The following FNDC3B variants were observed in gnomAD, a reference collection of about 807,000 sequenced individuals.
FNDC3B encodes the protein fibronectin type III domain-containing protein 3B.
Under a neutral mutation model 151.5 loss-of-function variants are expected in FNDC3B, and 12 were observed. That is an observed-to-expected ratio of 0.08 (90% CI 0.05 to 0.13). FNDC3B has a LOEUF of 0.13. FNDC3B is among the 10% of genes least tolerant of loss of function. The pLI, the probability that FNDC3B is intolerant of heterozygous loss-of-function variation, is 1.00. For synonymous variants in FNDC3B, 528 were observed against 549.0 expected (o/e 0.96, Z 0.54); for missense variants, 1,214 against 1,505.3 (o/e 0.81, Z 3.20).
chr3:172,152,749 A>C (rs1330605871), intron 3 of FNDC3B, among the ~76,000 whole-genome samples: 1 of 152,088 alleles, frequency 6.6e-6, no homozygotes, highest in East Asian at 1.9e-4. Flanking sequence ...TGAAATTTGC[A>C]ACAAATTAAA....
intron 3 of FNDC3B, among the ~76,000 whole-genome samples, chr3:172,216,039 T>G (rs1337449723): frequency 6.6e-6 from 1 of 151,122 alleles, no homozygotes; most frequent in Non-Finnish European, 1.5e-5. Context: ...TCACGCTGTG[T>G]GAGAAAGTCC....
intron 1 of FNDC3B, among the ~76,000 whole-genome samples, chr3:172,110,079 A>G (rs758262155): frequency 4.6e-5 from 7 of 152,110 alleles, no homozygotes; most frequent in Non-Finnish European, 7.4e-5. Flanking sequence ...GCGGGGTTGG[A>G]TTGCTATGTC....
chr3:172,353,482 A>G (rs1733952655), intron 22 of FNDC3B, among the ~76,000 whole-genome samples: 4 of 152,234 alleles, frequency 2.6e-5, no homozygotes, highest in South Asian at 2.1e-4. Flanking sequence ...TTCTAAAAGG[A>G]TGGCATTGGA....
At chr3:172,213,204 T>C (rs1356647162) in intron 3 of FNDC3B, among the ~76,000 whole-genome samples, 3 of 152,250 alleles carry the variant, frequency 2.0e-5, no homozygotes, top group Non-Finnish European at 4.4e-5. Context: ...CTAACAGACC[T>C]GACCTCAGAT....
intron 3 of FNDC3B, among the ~76,000 whole-genome samples, chr3:172,199,164 A>G (rs1724997926): frequency 6.7e-6 from 1 of 149,358 alleles, no homozygotes; most frequent in South Asian, 2.1e-4. Context: ...GAAGCTGTTT[A>G]GAATATTTTA....
intron 4 of FNDC3B, chr3:172,227,201 G>C (rs1726633688): frequency 2.9e-6 from 1 of 341,838 alleles, no homozygotes; most frequent in African/African-American, 2.1e-5. Flanking sequence ...TTGATTGTTT[G>C]GTTGTGATTT....
intron 1 of FNDC3B, among the ~76,000 whole-genome samples, chr3:172,106,442 C>A (rs902936920): frequency 2.0e-5 from 3 of 152,172 alleles, no homozygotes; most frequent in Non-Finnish European, 2.9e-5. Context: ...TCCAGGCTGG[C>A]CCGGTGGGTT....
At chr3:172,067,104 G>A (rs954640105) in intron 1 of FNDC3B, among the ~76,000 whole-genome samples, 23 of 152,076 alleles carry the variant, frequency 1.5e-4, no homozygotes, top group African/African-American at 4.6e-4. Flanking sequence ...GACTTGGTCC[G>A]CAGTCTCCTA....
chr3:172,132,428 TGGA>T (rs1274888745), intron 2 of FNDC3B, among the ~76,000 whole-genome samples: 1 of 152,164 alleles, frequency 6.6e-6, no homozygotes, highest in Non-Finnish European at 1.5e-5. Context: ...GTTTTTGAGA[TGGA>T]GTCTTGCTCT....
chr3:172,298,512 A>G (rs900756902), intron 8 of FNDC3B, among the ~76,000 whole-genome samples: 2 of 152,208 alleles, frequency 1.3e-5, no homozygotes, highest in African/African-American at 4.8e-5. Context: ...TAACCATGCC[A>G]TTTTCGAGAT....
At chr3:172,047,318 G>A (rs567898823) in intron 1 of FNDC3B, among the ~76,000 whole-genome samples, 30 of 152,230 alleles carry the variant, frequency 2.0e-4, no homozygotes, top group African/African-American at 7.2e-4. Context: ...TGAAAGAGGG[G>A]TCTCTATTAA....
At chr3:172,312,732 G>A (rs998457799) in intron 11 of FNDC3B, among the ~76,000 whole-genome samples, 1 of 152,046 alleles carries the variant, frequency 6.6e-6, no homozygotes, top group African/African-American at 2.4e-5. Context: ...CTAAGTTAAG[G>A]AAGGCCAAAA....
chr3:172,294,597 T>G (rs1415655760), intron 7 of FNDC3B, among the ~76,000 whole-genome samples: 1 of 152,108 alleles, frequency 6.6e-6, no homozygotes, highest in Non-Finnish European at 1.5e-5. Context: ...GAGATTTGGG[T>G]GGGGACACAA....
intron 23 of FNDC3B, among the ~76,000 whole-genome samples, chr3:172,364,605 T>G (rs1404434689): frequency 6.6e-6 from 1 of 152,178 alleles, no homozygotes; most frequent in African/African-American, 2.4e-5. Flanking sequence ...TATACAAATG[T>G]GTAGTCTGAT....
chr3:172,338,487 G>A (rs1317741648), intron 16 of FNDC3B, among the ~76,000 whole-genome samples: 1 of 152,096 alleles, frequency 6.6e-6, no homozygotes, highest in Non-Finnish European at 1.5e-5. Context: ...AACAAGTTTA[G>A]AAAATGTCTT....
chr3:172,351,696 G>A (rs1394359439), intron 21 of FNDC3B, among the ~76,000 whole-genome samples: 2 of 152,212 alleles, frequency 1.3e-5, no homozygotes, highest in South Asian at 4.1e-4. Flanking sequence ...AGATGGGAGA[G>A]AGAGTAGTTG....
intron 8 of FNDC3B, among the ~76,000 whole-genome samples, chr3:172,297,711 T>A (rs1730704386): frequency 6.6e-6 from 1 of 152,070 alleles, no homozygotes; most frequent in South Asian, 2.1e-4. Flanking sequence ...CCTGACCTCG[T>A]GATCCGCCCT....
At chr3:172,343,627 A>G (rs542093265) in intron 18 of FNDC3B, among the ~76,000 whole-genome samples, 1 of 152,352 alleles carries the variant, frequency 6.6e-6, no homozygotes, top group East Asian at 1.9e-4. Flanking sequence ...AGTTTACAAC[A>G]TGTATAATTA....
intron 11 of FNDC3B, among the ~76,000 whole-genome samples, chr3:172,312,302 A>G (rs181686615): frequency 7.9e-5 from 12 of 152,312 alleles, no homozygotes; most frequent in Admixed American, 7.2e-4. Context: ...TAGCTTGTAC[A>G]TGCAGGTTGG....
Sources: allele counts gnomAD v4.1 joint callset (sites outside exome capture counted in the v4.1 genomes callset), GRCh38; gene constraint gnomAD v4.1.1; transcripts MANE v1.5; gene names NCBI Gene and HGNC (gene_info 2026-07-23, HGNC 2026-07-21).